SMC6: variants seen among roughly 807,000 people sequenced by gnomAD.
The protein encoded by SMC6 is structural maintenance of chromosomes protein 6.
Under a neutral mutation model 142.2 loss-of-function variants are expected in SMC6, and 79 were observed. That is an observed-to-expected ratio of 0.56 (90% CI 0.46 to 0.67). The LOEUF (loss-of-function observed/expected upper bound fraction) is 0.67, where lower values mean the gene tolerates loss of function less well. Ranked by LOEUF, SMC6 falls within the 30% of genes least tolerant of loss-of-function variation. The pLI is 0.00. For synonymous variants in SMC6, 411 were observed against 412.4 expected, an observed-to-expected ratio of 1.00 and a Z score of 0.04; for missense variants, 1,072 against 1,284.0, an observed-to-expected ratio of 0.83 and a Z score of 2.52.
At chr2:17,720,881 AAT>A in intron 11 of SMC6, 57 bp downstream of exon 11, 1 of 1,394,246 alleles carries the variant, frequency 7.2e-7, no homozygotes. Context: ...TAAATAGTCT[AAT>A]ATCTGTAATT....
Position 17,692,898 on chromosome 2 carries a change from T to C in SMC6, c.2678+2254A>G, listed in dbSNP as rs566591589. On this transcript the variant is annotated intron_variant, in intron 23 of 27. Transcript: ENST00000448223. ...ACCCCATCAACAAGTGGGCGAAGGATATGAACAGACACTTCTCAAAAGAAG... is the reference window on the plus strand; with the variant it reads ...ACCCCATCAACAAGTGGGCGAAGGACATGAACAGACACTTCTCAAAAGAAG... Among the ~76,000 whole-genome samples, 3 of 152,272 alleles carry C rather than the reference T, an allele frequency of 2.0e-5. No individual in the cohort carries two copies. The East Asian group carries it at 5.8e-4, about 29-fold the overall frequency.
intron 26 of SMC6, among the ~76,000 whole-genome samples, chr2:17,669,986 C>T (rs1299794639): frequency 2.0e-5 from 3 of 152,094 alleles, no homozygotes; most frequent in African/African-American, 4.8e-5. Context: ...AGTTCTTGCT[C>T]GCTTATGTTC....
At chr2:17,683,603 G>A (rs760773347) in intron 24 of SMC6, 35 bp downstream of exon 24, 2 of 1,541,524 alleles carry the variant, frequency 1.3e-6, no homozygotes, top group Non-Finnish European at 1.8e-6. Flanking sequence ...ACACAAAAAT[G>A]TATAATATAT....
chr2:17,697,326 A>G (rs1352707462), intron 21 of SMC6, among the ~76,000 whole-genome samples: 2 of 152,066 alleles, frequency 1.3e-5, no homozygotes, highest in East Asian at 3.8e-4. Flanking sequence ...ATAAATTCCA[A>G]AAGAAGAACT....
chr2:17,678,163 G>C (rs1667084720), intron 25 of SMC6, among the ~76,000 whole-genome samples: 2 of 152,078 alleles, frequency 1.3e-5, no homozygotes, highest in African/African-American at 4.8e-5. Flanking sequence ...ACACAATTAA[G>C]TGGGGAAGAA....
intron 23 of SMC6, among the ~76,000 whole-genome samples, chr2:17,690,557 G>A (rs953670143): frequency 2.6e-5 from 4 of 151,900 alleles, no homozygotes; most frequent in African/African-American, 9.7e-5. Flanking sequence ...TTGCACCACT[G>A]CACTCCAGCC....
chr2:17,695,217 A>C lies in SMC6; in HGVS notation c.2613T>G (p.Ile871Met), dbSNP rs1667933560. The C allele has an allele frequency of 5.6e-6, 9 of 1,613,510 alleles. No homozygotes were observed. The East Asian group carries it at 2.0e-4, about 36-fold the overall frequency. Residue 871 changes from isoleucine to methionine, a missense_variant, in exon 23 of 28, where the codon ATT (isoleucine) becomes ATG (methionine). By Grantham distance (10) the Ile-to-Met change is conservative. This residue lies in a region of SMC6 where 994 missense variants were observed against 1,153.2 expected (regional missense o/e 0.86). Coordinates refer to ENST00000448223, the MANE Select transcript of SMC6 (RefSeq NM_001142286.2). Reference protein sequence around the residue: ...EKSASILDKEINRLRQKIQAE... With the variant: ...EKSASILDKEMNRLRQKIQAE... The stretch of plus-strand genomic sequence containing the variant: ...CCTGTATCTTCTGCCTTAATCGATT[A>C]ATTTCTTTGTCCAGAATTGATGCAG...
At chr2:17,718,714 A>C (rs1669229279) in intron 11 of SMC6, among the ~76,000 whole-genome samples, 1 of 152,254 alleles carries the variant, frequency 6.6e-6, no homozygotes, top group Admixed American at 6.5e-5. Context: ...GGCAGATGAA[A>C]GAGCATGTAC....
rs1437089947 is a variant in SMC6 at position 17,696,340 on chromosome 2, A to G, written c.2481T>C (p.Asp827=). The change falls in exon 22 of 28, where the codon GAT becomes GAC. Residue 827 remains aspartate (D), a synonymous_variant. Coordinates refer to ENST00000448223, the MANE Select transcript of SMC6 (RefSeq NM_001142286.2). ...HYEEKQKEHL[D]TLNKKKRELD... ...GTTCTCGTTTCTTTTTATTTAAGGT[A>G]TCCAAGTGTTCTTTTTGTTTTTCTT... 1 of 1,609,650 alleles carries G rather than the reference A, an allele frequency of 6.2e-7. No individual in the cohort carries two copies. Among genetic ancestry groups the G allele is most frequent in the Non-Finnish European group, 8.5e-7 (1 of 1,179,064 alleles).
At chr2:17,738,998 T>TACTG (rs1553320962) in intron 4 of SMC6, among the ~76,000 whole-genome samples, 7 of 151,956 alleles carry the variant, frequency 4.6e-5, no homozygotes, top group Admixed American at 4.6e-4. Flanking sequence ...TGGACAGGAA[T>TACTG]ATTGTCTCTT....
rs1007568421 is a variant in SMC6 at position 17,716,318 on chromosome 2, A to G, written c.1347-54T>C. 3 of 1,548,110 alleles carry G rather than the reference A, an allele frequency of 1.9e-6. No individual in the cohort carries two copies. In the African/African-American group the frequency reaches 4.2e-5, roughly 22 times the overall value. ...ATATATGTGATAGTTTTACAGAAACATTTAACCTTTGCCCATAACACCTAC... is the reference window on the plus strand; with the variant it reads ...ATATATGTGATAGTTTTACAGAAACGTTTAACCTTTGCCCATAACACCTAC... On this transcript the variant is annotated intron_variant, in intron 14 of 27. Transcript: ENST00000448223.
intron 21 of SMC6, among the ~76,000 whole-genome samples, chr2:17,698,393 T>A (rs971467577): frequency 2.0e-5 from 3 of 152,090 alleles, no homozygotes; most frequent in Non-Finnish European, 4.4e-5. Context: ...GCTTCCCTTA[T>A]GTTACAGCTC....
intron 24 of SMC6, among the ~76,000 whole-genome samples, chr2:17,682,662 G>A (rs1667284990): frequency 6.6e-6 from 1 of 152,084 alleles, no homozygotes; most frequent in African/African-American, 2.4e-5. Flanking sequence ...TGATTTACAA[G>A]GTATCGGTAG....
intron 2 of SMC6, among the ~76,000 whole-genome samples, chr2:17,747,493 TTTTC>T (rs886910767): frequency 2.2e-5 from 3 of 136,128 alleles, no homozygotes; most frequent in East Asian, 2.2e-4. Context: ...AAACAACTTT[TTTTC>T]TTTTTCTTTC....
intron 23 of SMC6, among the ~76,000 whole-genome samples, chr2:17,688,554 G>A (rs938617496): frequency 6.6e-6 from 1 of 152,114 alleles, no homozygotes; most frequent in Non-Finnish European, 1.5e-5. Flanking sequence ...AACAGAGCGA[G>A]ACCCTGTCTC....
intron 23 of SMC6, among the ~76,000 whole-genome samples, chr2:17,694,579 G>A (rs1249328570): frequency 4.6e-5 from 7 of 152,094 alleles, no homozygotes; most frequent in African/African-American, 1.4e-4. Context: ...ATTGTTTATG[G>A]ATCATTTCAT....
In SMC6 at chr2:17,715,946, TA is replaced by T. The variant is rs1434052320; in HGVS notation, c.1525+139del. 1.7e-5 allele frequency: 12 copies of T among 718,096 alleles called. No homozygotes were observed. In the Admixed American group the frequency reaches 4.2e-4, roughly 25 times the overall value. 44.5% of individuals were successfully genotyped at this position (718,096 alleles called of 1,614,324 possible). ...TCGGATATTTTATGCTTTAAAAATA[TA>T]AAACGAAAGCTACAAAGCTTTATAT... On this transcript the variant is annotated intron_variant, in intron 15 of 27. Transcript: ENST00000448223.
chr2:17,737,189 G>C (rs1670198771), intron 5 of SMC6, among the ~76,000 whole-genome samples: 1 of 152,108 alleles, frequency 6.6e-6, no homozygotes, highest in Non-Finnish European at 1.5e-5. Context: ...TTGGCTTAAG[G>C]TTAAGATTCC....
At chr2:17,695,630 G>C (rs1667951974) in intron 22 of SMC6, among the ~76,000 whole-genome samples, 1 of 152,098 alleles carries the variant, frequency 6.6e-6, no homozygotes, top group East Asian at 1.9e-4. Context: ...ACATCCTTTA[G>C]GGTTGACTCT....
Sources: gnomAD v4.1 joint callset for allele counts (sites outside exome capture counted in the v4.1 genomes callset) on GRCh38, gnomAD v4.1.1 for gene constraint, gnomAD v4.1.1 regional missense constraint, MANE v1.5 for transcripts, NCBI Gene and HGNC (gene_info 2026-07-23, HGNC 2026-07-21) for gene names.